Variants in AP3B1 observed in about 807,000 individuals in gnomAD.
The protein encoded by AP3B1 is AP-3 complex subunit beta-1.
Under a neutral mutation model 132.5 loss-of-function variants are expected in AP3B1, and 61 were observed. The ratio of observed to expected loss-of-function variants is 0.46; its 90% CI spans 0.37 to 0.57. AP3B1 has a LOEUF of 0.57. Among genes scored for constraint, AP3B1 ranks in the 20% least tolerant of loss-of-function variants. The probability of loss-of-function intolerance (pLI) is 0.00; values close to 1 mark genes in which losing one functional copy is unlikely to be tolerated. For synonymous variants in AP3B1, 388 were observed against 438.3 expected (o/e 0.89, Z 1.43); for missense variants, 1,120 against 1,289.4 (o/e 0.87, Z 2.01).
intron 2 of AP3B1, among the ~76,000 whole-genome samples, chr5:78,256,621 A>G (rs1482226108): frequency 1.3e-5 from 2 of 152,134 alleles, no homozygotes; most frequent in African/African-American, 4.8e-5. Context: ...ATCCTACTCA[A>G]ACTGTTCTGA....
intron 24 of AP3B1, among the ~76,000 whole-genome samples, chr5:78,030,725 G>A (rs993899851): frequency 6.6e-6 from 1 of 152,150 alleles, no homozygotes; most frequent in Non-Finnish European, 1.5e-5. Context: ...CGCCTAGGCT[G>A]GAGTGTAGTG....
intron 2 of AP3B1, among the ~76,000 whole-genome samples, chr5:78,242,656 C>A (rs143954884): frequency 1.3e-5 from 2 of 152,098 alleles, no homozygotes; most frequent in African/African-American, 2.4e-5. Flanking sequence ...ATCCACCCCC[C>A]TCGGCCTCCC....
rs562551575 is a variant in AP3B1 at position 78,254,828 on chromosome 5, A to C, written c.204+12692T>G. Among the ~76,000 whole-genome samples, 767 of 152,314 alleles carry C rather than the reference A, an allele frequency of 5.0e-3. 4 individuals are homozygous for C. The highest frequency in any genetic ancestry group is 0.014 in the Middle Eastern group (4 of 294). Reference sequence around the variant, plus strand: ...ATAAAACTGTAGCTGTGATGTATAAACTATTCTTATCCTGAGTAGAAAAAC... The same window carrying C: ...ATAAAACTGTAGCTGTGATGTATAACCTATTCTTATCCTGAGTAGAAAAAC... On this transcript the variant is annotated intron_variant, in intron 2 of 26. Transcript: ENST00000255194.
chr5:78,227,750 T>C (rs1746459365), intron 4 of AP3B1, among the ~76,000 whole-genome samples: 1 of 152,212 alleles, frequency 6.6e-6, no homozygotes, highest in African/African-American at 2.4e-5. Context: ...GTAATAGTTA[T>C]AATTCTAGTT....
intron 13 of AP3B1, among the ~76,000 whole-genome samples, chr5:78,156,573 C>A (rs1184648883): frequency 6.6e-6 from 1 of 152,066 alleles, no homozygotes; most frequent in Non-Finnish European, 1.5e-5. Flanking sequence ...AATTTCTAAC[C>A]TCTGTTGCTG....
chr5:78,127,982 G>C (rs762599475), intron 17 of AP3B1, 48 bp downstream of exon 17: 1 of 1,602,622 alleles, frequency 6.2e-7, no homozygotes, highest in South Asian at 1.1e-5. Flanking sequence ...AGCTATCCTA[G>C]AGTCTTCCAC....
intron 21 of AP3B1, among the ~76,000 whole-genome samples, chr5:78,097,951 T>G (rs1293301076): frequency 1.3e-5 from 2 of 152,214 alleles, no homozygotes; most frequent in African/African-American, 2.4e-5. Flanking sequence ...TTCTTCTGCC[T>G]TGGGATCCTG....
intron 1 of AP3B1, among the ~76,000 whole-genome samples, chr5:78,277,507 G>A (rs548365076): frequency 1.3e-5 from 2 of 152,236 alleles, no homozygotes; most frequent in South Asian, 4.1e-4. Context: ...TTAAAATAAG[G>A]AATGCAATAA....
chr5:78,138,710 G>A (rs1246113196), intron 15 of AP3B1, among the ~76,000 whole-genome samples: 1 of 151,782 alleles, frequency 6.6e-6, no homozygotes, highest in Non-Finnish European at 1.5e-5. Context: ...AAAATATCAC[G>A]TCTGTAATCC....
chr5:78,201,192 A>G (rs1476279583), intron 7 of AP3B1, among the ~76,000 whole-genome samples: 4 of 152,220 alleles, frequency 2.6e-5, no homozygotes, highest in African/African-American at 9.6e-5. Context: ...GTATTTTGTC[A>G]TGGCAACTGT....
At chr5:78,226,639 C>A (rs1386945390) in intron 5 of AP3B1, among the ~76,000 whole-genome samples, 1 of 152,048 alleles carries the variant, frequency 6.6e-6, no homozygotes, top group African/African-American at 2.4e-5. Context: ...TAATTAAGTG[C>A]CACATCCTCT....
intron 2 of AP3B1, among the ~76,000 whole-genome samples, chr5:78,266,010 ATAAAC>A (rs1213827240): frequency 3.0e-4 from 46 of 152,354 alleles, no homozygotes; most frequent in African/African-American, 1.1e-3. Context: ...TTGTCTGTGC[ATAAAC>A]TGAGTAACAG....
intron 22 of AP3B1, among the ~76,000 whole-genome samples, chr5:78,080,475 T>A (rs1016259987): frequency 4.6e-5 from 7 of 151,702 alleles, no homozygotes; most frequent in African/African-American, 7.3e-5. Flanking sequence ...TCTTTTTCTT[T>A]TTTTTTTGCT....
chr5:78,076,481 T>C (rs1314861495), intron 22 of AP3B1, among the ~76,000 whole-genome samples: 3 of 152,234 alleles, frequency 2.0e-5, no homozygotes, highest in African/African-American at 7.2e-5. Flanking sequence ...TTGTTATTCA[T>C]GGTGGGCCCT....
intron 22 of AP3B1, among the ~76,000 whole-genome samples, chr5:78,045,303 C>T (rs1748275115): frequency 6.6e-6 from 1 of 151,168 alleles, no homozygotes; most frequent in Admixed American, 6.6e-5. Context: ...ACTACTTGAA[C>T]CCAGGAAGTG....
At chr5:78,167,056 G>C (rs768017764) in intron 11 of AP3B1, among the ~76,000 whole-genome samples, 1 of 152,142 alleles carries the variant, frequency 6.6e-6, no homozygotes, top group African/African-American at 2.4e-5. Context: ...AGAGTTAACA[G>C]ACAACCCACA....
intron 17 of AP3B1, among the ~76,000 whole-genome samples, chr5:78,124,140 A>T (rs1367258038): frequency 6.6e-6 from 1 of 152,028 alleles, no homozygotes; most frequent in Non-Finnish European, 1.5e-5. Flanking sequence ...TAGGTGGGAA[A>T]TGAACAATGA....
At chr5:78,227,685 T>C (rs1746455891) in intron 4 of AP3B1, among the ~76,000 whole-genome samples, 153 bp from the exon 5 acceptor site, 1 of 151,972 alleles carries the variant, frequency 6.6e-6, no homozygotes, top group Non-Finnish European at 1.5e-5. Flanking sequence ...TATATAGGAA[T>C]GGGAAAAAAA....
intron 14 of AP3B1, among the ~76,000 whole-genome samples, chr5:78,153,170 C>T (rs1280208332): frequency 6.6e-6 from 1 of 152,096 alleles, no homozygotes; most frequent in African/African-American, 2.4e-5. Context: ...TTGAGGTCTA[C>T]CTTTGTCTTT....
Sources: gnomAD v4.1 joint callset for allele counts (sites outside exome capture counted in the v4.1 genomes callset) on GRCh38, gnomAD v4.1.1 for gene constraint, MANE v1.5 for transcripts, NCBI Gene and HGNC (gene_info 2026-07-23, HGNC 2026-07-21) for gene names.